The following GTF2IRD1 variants were observed in gnomAD, a reference collection of about 807,000 sequenced individuals.
GTF2IRD1 encodes the protein general transcription factor II-I repeat domain-containing protein 1.
In GTF2IRD1, 26 loss-of-function variants were observed where a neutral mutation model predicts 113.2. The ratio of observed to expected loss-of-function variants is 0.23; its 90% CI spans 0.17 to 0.32. The LOEUF is 0.32. Among genes scored for constraint, GTF2IRD1 ranks in the 10% least tolerant of loss-of-function variants. The pLI is 1.00. For missense variants in GTF2IRD1, 864 were observed against 1,280.8 expected (o/e 0.67, Z 4.97); for synonymous variants, 484 against 529.1 (o/e 0.91, Z 1.17).
intron 2 of GTF2IRD1, among the ~76,000 whole-genome samples, chr7:74,509,462 G>C (rs1554342255): frequency 2.0e-5 from 3 of 151,500 alleles, no homozygotes; most frequent in African/African-American, 7.3e-5. Context: ...GAACCTGGGA[G>C]GCAGAGGTTG....
chr7:74,570,984 C>A, intron 22 of GTF2IRD1: 2 of 481,934 alleles, frequency 4.1e-6, no homozygotes, highest in Non-Finnish European at 5.4e-6. Context: ...CCCTTTTGGG[C>A]AAACACGAGG....
intron 3 of GTF2IRD1, 64 bp from the exon 4 acceptor site, chr7:74,515,377 C>T: frequency 1.3e-6 from 2 of 1,545,614 alleles, no homozygotes; most frequent in Non-Finnish European, 1.7e-6. Context: ...AGCGACATCC[C>T]AGCTCGAAGG....
chr7:74,582,998 A>G (rs1353570284), intron 22 of GTF2IRD1, among the ~76,000 whole-genome samples: 3 of 151,954 alleles, frequency 2.0e-5, no homozygotes, highest in African/African-American at 7.2e-5. Context: ...AAAACCACGT[A>G]ATTCTCTTTA....
intron 1 of GTF2IRD1, among the ~76,000 whole-genome samples, chr7:74,481,118 G>A (rs565746902): frequency 6.6e-6 from 1 of 152,318 alleles, no homozygotes; most frequent in Non-Finnish European, 1.5e-5. Flanking sequence ...GTGTTGGATG[G>A]TTGGTTTTGC....
intron 22 of GTF2IRD1, among the ~76,000 whole-genome samples, chr7:74,566,781 G>T (rs942068269): frequency 6.6e-6 from 1 of 152,202 alleles, no homozygotes; most frequent in Non-Finnish European, 1.5e-5. Context: ...GTGTGGTAGA[G>T]ATTTGAACCT....
At chr7:74,476,489 C>G (rs1794419341) in intron 1 of GTF2IRD1, among the ~76,000 whole-genome samples, 1 of 151,898 alleles carries the variant, frequency 6.6e-6, no homozygotes, top group Non-Finnish European at 1.5e-5. Context: ...CTCAGCCTCC[C>G]AAGTAGCTGG....
intron 1 of GTF2IRD1, among the ~76,000 whole-genome samples, chr7:74,461,241 A>G (rs1212302666): frequency 2.6e-5 from 4 of 152,098 alleles, no homozygotes; most frequent in Non-Finnish European, 4.4e-5. Flanking sequence ...AGGATGCAGA[A>G]GAGGCTGCAT....
At chr7:74,529,516 G>A (rs781934830) in intron 8 of GTF2IRD1, among the ~76,000 whole-genome samples, 5 of 152,036 alleles carry the variant, frequency 3.3e-5, no homozygotes, top group Non-Finnish European at 7.4e-5. Flanking sequence ...TCAGCCTCCC[G>A]GAGTGCTGGA....
chr7:74,507,784 G>A lies in GTF2IRD1; in HGVS notation c.-6-291G>A, dbSNP rs1796379633. 8.8e-6 allele frequency: 3 copies of A among 341,214 alleles called. No homozygotes were observed. The South Asian group carries it at 1.2e-4, about 14-fold the overall frequency. The allele number at this position is 341,214 out of a possible 1,614,324, so 21.1% of individuals were successfully genotyped here. A position where few individuals can be genotyped will look rare whatever the true frequency, so the allele number is the denominator to read the frequency against. The stretch of plus-strand genomic sequence containing the variant: ...GTGGCCAGAATTGCACACGCCGGGA[G>A]AGGTGGCAGTTGGGGCCTGTCCAAC... On this transcript the variant is annotated intron_variant, in intron 1 of 26. Transcript: ENST00000424337.
chr7:74,486,025 C>T (rs1209450843), intron 1 of GTF2IRD1, among the ~76,000 whole-genome samples: 19 of 151,426 alleles, frequency 1.3e-4, no homozygotes, highest in South Asian at 4.2e-4. Flanking sequence ...GGCTGGAGTA[C>T]GGTGGCATGA....
At position 74,495,730 on chromosome 7, in the gene GTF2IRD1, G is replaced by A. The variant is rs117590140; in HGVS notation, c.-6-12345G>A. On this transcript the variant is annotated intron_variant, in intron 1 of 26. Transcript: ENST00000424337. Reference sequence around the variant, plus strand: ...CAAGAGCTAAGAGGGAGCCAGCAGCGGGGAAGGGCATTTCTTAAAAAGGGC... The same window carrying A: ...CAAGAGCTAAGAGGGAGCCAGCAGCAGGGAAGGGCATTTCTTAAAAAGGGC... Among the ~76,000 whole-genome samples, 586 of 152,292 alleles carry A rather than the reference G, an allele frequency of 3.8e-3. 13 individuals carry two copies. The highest frequency in any genetic ancestry group is 0.027 in the Admixed American group (412 of 15,286).
intron 22 of GTF2IRD1, among the ~76,000 whole-genome samples, chr7:74,559,926 A>G (rs1238986556): frequency 2.6e-5 from 4 of 151,968 alleles, no homozygotes; most frequent in South Asian, 2.1e-4. Flanking sequence ...ATTACAGGCA[A>G]TTGTCACCAT....
intron 1 of GTF2IRD1, chr7:74,487,342 A>G (rs1795090827): frequency 6.6e-6 from 1 of 152,184 alleles, no homozygotes; most frequent in South Asian, 2.1e-4. Flanking sequence ...TGGCCAGGGT[A>G]ACTTCTCTCT....
chr7:74,512,751 A>AT lies in GTF2IRD1; in HGVS notation c.124-78dup. ...GGGTCTCAGGCAGCTGGGAGCTCAC[A>AT]TCCCACCCCCGAAGTGGATACTAGA... On this transcript the variant is annotated intron_variant, in intron 2 of 26. Coordinates refer to ENST00000424337, the MANE Select transcript of GTF2IRD1 (RefSeq NM_005685.4). This position sits in a 1 kb window ranked among gnomAD's most constrained non-coding sequence, Gnocchi z 4.4. The AT allele has an allele frequency of 7.1e-7, 1 of 1,403,142 alleles. No homozygotes were observed. Among genetic ancestry groups the AT allele is most frequent in the East Asian group, 2.3e-5 (1 of 43,264 alleles). 86.9% of individuals were successfully genotyped at this position (1,403,142 alleles called of 1,614,324 possible).
In GTF2IRD1 at chr7:74,555,925, A is replaced by G. The variant is rs1247349842; in HGVS notation, c.2023+431A>G. On this transcript the variant is annotated intron_variant, in intron 19 of 26. Coordinates refer to ENST00000424337, the MANE Select transcript of GTF2IRD1 (RefSeq NM_005685.4). This position sits in a 1 kb window ranked among gnomAD's most constrained non-coding sequence, Gnocchi z 5.3. ...GGAGCTCGAGACAAGCCTGGACAAC[A>G]TAGAACCCGTCTCTATGTCTATTTT... 2.6e-5 allele frequency among the ~76,000 whole-genome samples: 4 copies of G among 152,238 alleles called. No individual in the cohort carries two copies. The East Asian group carries it at 5.8e-4, about 22-fold the overall frequency.
At chr7:74,571,524 T>C (rs1800694403) in intron 22 of GTF2IRD1, among the ~76,000 whole-genome samples, 1 of 152,220 alleles carries the variant, frequency 6.6e-6, no homozygotes, top group South Asian at 2.1e-4. Context: ...TCGTCTCCTC[T>C]GTAAACGTTC....
At chr7:74,596,188 G>T (rs1402447356) in intron 25 of GTF2IRD1, among the ~76,000 whole-genome samples, 1 of 152,086 alleles carries the variant, frequency 6.6e-6, no homozygotes, top group Non-Finnish European at 1.5e-5. Flanking sequence ...AGGGCCGGGC[G>T]CGGTGGCTCA....
intron 14 of GTF2IRD1, among the ~76,000 whole-genome samples, chr7:74,542,740 G>A (rs1433521688): frequency 1.2e-4 from 19 of 152,318 alleles, no homozygotes; most frequent in South Asian, 2.1e-4. Context: ...ATGGCGTGGC[G>A]CCTAAGGAAT....
intron 24 of GTF2IRD1, among the ~76,000 whole-genome samples, chr7:74,594,207 A>T (rs1285263360): frequency 6.6e-6 from 1 of 151,066 alleles, no homozygotes; most frequent in Non-Finnish European, 1.5e-5. Context: ...TCAAAAAAAA[A>T]AAATTAATTA....
Sources: allele counts gnomAD v4.1 joint callset (sites outside exome capture counted in the v4.1 genomes callset), GRCh38; gene constraint gnomAD v4.1.1; non-coding constraint Gnocchi (gnomAD v3.1); transcripts MANE v1.5; gene names NCBI Gene and HGNC (gene_info 2026-07-23, HGNC 2026-07-21).